The following HS3ST4 variants were observed in gnomAD, a reference collection of about 807,000 sequenced individuals.
HS3ST4 encodes the protein heparan sulfate-glucosamine 3-sulfotransferase 4.
Under a neutral mutation model 29.2 loss-of-function variants are expected in HS3ST4, and 17 were observed. That is an observed-to-expected ratio of 0.58 (90% CI 0.40 to 0.87). The LOEUF is 0.87. Ranked by LOEUF, HS3ST4 falls within the 40% of genes least tolerant of loss-of-function variation. HS3ST4 has a pLI of 0.00. For synonymous variants in HS3ST4, 314 were observed against 285.7 expected (o/e 1.10, Z -1.00); for missense variants, 627 against 634.5 (o/e 0.99, Z 0.13).
chr16:25,950,805 G>A (rs2141696940), intron 1 of HS3ST4, among the ~76,000 whole-genome samples: 1 of 152,204 alleles, frequency 6.6e-6, no homozygotes, highest in East Asian at 1.9e-4. Context: ...AATGCAATAA[G>A]CCCCACCTCC....
chr16:25,863,679 G>T (rs1017829864), intron 1 of HS3ST4, among the ~76,000 whole-genome samples: 5 of 152,028 alleles, frequency 3.3e-5, no homozygotes, highest in Non-Finnish European at 7.3e-5. Context: ...GGTGTTATGT[G>T]TTGTGTGTGT....
At chr16:25,862,327 G>A (rs1259618988) in intron 1 of HS3ST4, among the ~76,000 whole-genome samples, 1 of 152,050 alleles carries the variant, frequency 6.6e-6, no homozygotes, top group Admixed American at 6.5e-5. Flanking sequence ...TGAGTAACTG[G>A]GATTACAGGC....
chr16:25,823,684 C>T (rs1967185987), intron 1 of HS3ST4, among the ~76,000 whole-genome samples: 1 of 152,162 alleles, frequency 6.6e-6, no homozygotes, highest in Admixed American at 6.5e-5. Context: ...CCTCAGCCTC[C>T]TGAATACCTG....
chr16:25,958,550 C>T (rs1430717793), intron 1 of HS3ST4, among the ~76,000 whole-genome samples: 2 of 152,006 alleles, frequency 1.3e-5, no homozygotes, highest in African/African-American at 4.8e-5. Flanking sequence ...AGGTTGGTCT[C>T]GAACTCCTGA....
At chr16:25,743,582 T>G (rs781735545) in intron 1 of HS3ST4, among the ~76,000 whole-genome samples, 1 of 152,168 alleles carries the variant, frequency 6.6e-6, no homozygotes, top group Non-Finnish European at 1.5e-5. Flanking sequence ...ATCGGCTCAC[T>G]ACAACCTCTG....
intron 1 of HS3ST4, among the ~76,000 whole-genome samples, chr16:26,062,176 G>T (rs1898483933): frequency 6.6e-6 from 1 of 152,198 alleles, no homozygotes; most frequent in African/African-American, 2.4e-5. Context: ...TCTCAGGGCT[G>T]CATTCCCCAA....
chr16:25,897,698 C>G (rs1968081953), intron 1 of HS3ST4, among the ~76,000 whole-genome samples: 1 of 152,088 alleles, frequency 6.6e-6, no homozygotes, highest in South Asian at 2.1e-4. Flanking sequence ...CTCTCTCCCC[C>G]TTCTTCTCTC....
chr16:25,820,306 T>C (rs1033594627), intron 1 of HS3ST4, among the ~76,000 whole-genome samples: 2 of 152,142 alleles, frequency 1.3e-5, no homozygotes, highest in African/African-American at 4.8e-5. Context: ...TCAAATGCCA[T>C]TTTGCTACTT....
chr16:25,703,387 T>C (rs1478959334), intron 1 of HS3ST4, among the ~76,000 whole-genome samples: 3 of 152,174 alleles, frequency 2.0e-5, no homozygotes, highest in African/African-American at 7.2e-5. Flanking sequence ...CTCCGAGTAT[T>C]GAATTCCTTT....
chr16:25,839,789 G>C (rs371108500), intron 1 of HS3ST4, among the ~76,000 whole-genome samples: 2 of 152,066 alleles, frequency 1.3e-5, no homozygotes, highest in East Asian at 3.9e-4. Context: ...CCCCACTCTT[G>C]GAAGAACATC....
At chr16:26,134,351 TCTTTTCTTTTC>T (rs1217558458) in intron 1 of HS3ST4, among the ~76,000 whole-genome samples, 61 of 115,506 alleles carry the variant, frequency 5.3e-4, no homozygotes, top group East Asian at 4.6e-3. Context: ...TCTTTTCTTT[TCTTTTCTTTTC>T]TTTTTTTTTT....
At chr16:26,082,270 C>T (rs1352101099) in intron 1 of HS3ST4, among the ~76,000 whole-genome samples, 4 of 152,202 alleles carry the variant, frequency 2.6e-5, no homozygotes. Context: ...CAAAGAGCCA[C>T]ACTTCCCAGG....
At chr16:25,896,956 T>C (rs1232943262) in intron 1 of HS3ST4, among the ~76,000 whole-genome samples, 1 of 152,070 alleles carries the variant, frequency 6.6e-6, no homozygotes, top group Non-Finnish European at 1.5e-5. Context: ...ATTGGGTGCT[T>C]ACGGAGTAAA....
chr16:25,714,614 G>A (rs1460997635), intron 1 of HS3ST4, among the ~76,000 whole-genome samples: 1 of 152,206 alleles, frequency 6.6e-6, no homozygotes, highest in Non-Finnish European at 1.5e-5. Context: ...AACTTCAGAA[G>A]CTGCATCTGT....
At chr16:25,928,775 T>C (rs1196502631) in intron 1 of HS3ST4, among the ~76,000 whole-genome samples, 1 of 152,320 alleles carries the variant, frequency 6.6e-6, no homozygotes, top group East Asian at 1.9e-4. Context: ...GGGTTCCTCA[T>C]GACCCACCTT....
intron 1 of HS3ST4, among the ~76,000 whole-genome samples, chr16:25,938,994 G>C (rs1968546180): frequency 6.6e-6 from 1 of 152,140 alleles, no homozygotes; most frequent in Non-Finnish European, 1.5e-5. Context: ...GCAATGTCTT[G>C]TATTTAGTTA....
At chr16:25,699,498 A>G (rs1289393396) in intron 1 of HS3ST4, among the ~76,000 whole-genome samples, 1 of 151,992 alleles carries the variant, frequency 6.6e-6, no homozygotes, top group Non-Finnish European at 1.5e-5. Flanking sequence ...TTGCACTTAT[A>G]AAATAGATTA....
At chr16:25,948,401 G>A (rs1238715421) in intron 1 of HS3ST4, among the ~76,000 whole-genome samples, 1 of 152,044 alleles carries the variant, frequency 6.6e-6, no homozygotes, top group Non-Finnish European at 1.5e-5. Flanking sequence ...GTTGGCTGGT[G>A]TTAGCTTTGC....
intron 1 of HS3ST4, among the ~76,000 whole-genome samples, chr16:25,942,913 T>C (rs2141693099): frequency 6.6e-6 from 1 of 152,314 alleles, no homozygotes; most frequent in African/African-American, 2.4e-5. Flanking sequence ...CAAGCCACCA[T>C]GCCCGGCCTG....
Sources: allele counts gnomAD v4.1 joint callset (sites outside exome capture counted in the v4.1 genomes callset), GRCh38; gene constraint gnomAD v4.1.1; transcripts MANE v1.5; gene names NCBI Gene and HGNC (gene_info 2026-07-23, HGNC 2026-07-21).